Variants in CCDC172 observed in about 807,000 individuals in gnomAD.
The protein encoded by CCDC172 is coiled-coil domain-containing protein 172.
CCDC172 carries 30 observed loss-of-function variants against 38.0 expected under a neutral mutation model. The ratio of observed to expected loss-of-function variants is 0.79; its 90% CI spans 0.59 to 1.07. The LOEUF (loss-of-function observed/expected upper bound fraction) is 1.07. CCDC172 is among the 50% of genes least tolerant of loss of function. The pLI, the probability that CCDC172 is intolerant of heterozygous loss-of-function variation, is 0.00. For synonymous variants in CCDC172, 78 were observed against 88.3 expected (o/e 0.88, Z 0.66); for missense variants, 297 against 290.1 (o/e 1.02, Z -0.17).
rs2133083836 is a variant in CCDC172, at chr10:116,379,382, C to G, written c.*24C>G. On this transcript the variant is annotated 3_prime_UTR_variant, in exon 9 of 9. Coordinates refer to ENST00000333254, the MANE Select transcript of CCDC172 (RefSeq NM_198515.3). ...AACTTACAGAGAATTGATCAGCCAT[C>G]TGAGATTTGATCAGAATATCTGAGA... is the stretch of plus-strand genomic sequence containing the variant. The G allele has an allele frequency of 6.5e-7, 1 of 1,538,770 alleles. No homozygotes were observed. The highest frequency in any genetic ancestry group is 1.2e-5 in the South Asian group (1 of 81,540).
In CCDC172 at chr10:116,325,017, C is replaced by CT; in HGVS notation, c.8dup (p.Leu3PhefsTer34). On this transcript the variant is annotated frameshift_variant, in exon 2 of 9. Coordinates refer to ENST00000333254, the MANE Select transcript of CCDC172 (RefSeq NM_198515.3). LOFTEE classifies it high-confidence loss of function. The stretch of plus-strand genomic sequence containing the variant: ...CGCAGGAGCCAGGCCCTGAGATGAG[C>CT]TTGGAGTCCCTGTTTCAGCACATCA... 1 of 1,614,062 alleles carries CT rather than the reference C, an allele frequency of 6.2e-7. No homozygotes were observed. Among genetic ancestry groups the CT allele is most frequent in the Non-Finnish European group, 8.5e-7 (1 of 1,179,962 alleles).
chr10:116,377,428 C>G (rs889468473), intron 7 of CCDC172, among the ~76,000 whole-genome samples: 5 of 152,116 alleles, frequency 3.3e-5, no homozygotes, highest in Non-Finnish European at 5.9e-5. Flanking sequence ...TTTAACAACT[C>G]CAAACCCCCT....
intron 7 of CCDC172, among the ~76,000 whole-genome samples, chr10:116,362,407 C>A (rs1845075587): frequency 6.6e-6 from 1 of 152,112 alleles, no homozygotes; most frequent in Non-Finnish European, 1.5e-5. Flanking sequence ...ATTTATATAA[C>A]CAGTCTCTCA....
intron 3 of CCDC172, among the ~76,000 whole-genome samples, chr10:116,326,246 G>A (rs1340545627): frequency 6.6e-6 from 1 of 152,104 alleles, no homozygotes; most frequent in African/African-American, 2.4e-5. Context: ...AAAAATAAAA[G>A]GTAGTTTTAG....
chr10:116,347,672 G>A (rs2134933704), intron 5 of CCDC172, among the ~76,000 whole-genome samples: 1 of 152,202 alleles, frequency 6.6e-6, no homozygotes, highest in African/African-American at 2.4e-5. Flanking sequence ...TTAGTAATAA[G>A]GGAGGGTATC....
chr10:116,326,010 A>G (rs1698353306), intron 3 of CCDC172, among the ~76,000 whole-genome samples: 1 of 152,224 alleles, frequency 6.6e-6, no homozygotes, highest in South Asian at 2.1e-4. Context: ...GAGGAGGCAG[A>G]TATGTGCAGT....
At chr10:116,325,138 T>G (rs1262595910) in intron 2 of CCDC172, 48 bp downstream of exon 2, 2 of 1,583,528 alleles carry the variant, frequency 1.3e-6, no homozygotes, top group African/African-American at 2.7e-5. Context: ...CTTCTGATGC[T>G]GGGTGCTTGG....
At chr10:116,334,640 T>C (rs965663328) in intron 3 of CCDC172, among the ~76,000 whole-genome samples, 2 of 152,180 alleles carry the variant, frequency 1.3e-5, no homozygotes, top group South Asian at 4.1e-4. Context: ...GTATTTACTA[T>C]TGTATTAATA....
intron 3 of CCDC172, among the ~76,000 whole-genome samples, chr10:116,331,498 A>G (rs1407964886): frequency 1.1e-4 from 16 of 152,292 alleles, no homozygotes; most frequent in Middle Eastern, 3.4e-3. Context: ...AAATTAATCT[A>G]TTTTGTTCAT....
Position 116,325,377 on chromosome 10 carries a change from C to A in CCDC172, c.154C>A (p.Leu52Met). ...TEELNEEKIK[L>M]ESKVQQFFEK... Reference sequence around the variant, plus strand: ...GGAGCTGAATGAAGAGAAAATCAAGCTGGAATCTAAGGTATTGAAATGTAA... The same window carrying A: ...GGAGCTGAATGAAGAGAAAATCAAGATGGAATCTAAGGTATTGAAATGTAA... The change falls in exon 3 of 9, where the codon CTG (leucine) becomes ATG (methionine). Residue 52 changes from leucine (L) to methionine (M), a missense_variant. By Grantham distance (15) the Leu-to-Met change is conservative. Transcript: ENST00000333254. 1 of 1,613,040 alleles carries A rather than the reference C, an allele frequency of 6.2e-7. No individual in the cohort carries two copies. The highest frequency in any genetic ancestry group is 8.5e-7 in the Non-Finnish European group (1 of 1,179,298).
intron 5 of CCDC172, among the ~76,000 whole-genome samples, chr10:116,354,662 G>A (rs1374529244): frequency 6.6e-6 from 1 of 152,166 alleles, no homozygotes; most frequent in Non-Finnish European, 1.5e-5. Flanking sequence ...AGGCGGAGGC[G>A]GAGGTTGCAG....
At chr10:116,342,278 T>G (rs569527828) in intron 5 of CCDC172, 77 bp downstream of exon 5, 33 of 1,382,508 alleles carry the variant, frequency 2.4e-5, no homozygotes, top group Non-Finnish European at 3.1e-5. Flanking sequence ...TTCCAAAAAT[T>G]TAACTTTTTC....
At chr10:116,336,021 G>A (rs1227077329) in intron 3 of CCDC172, among the ~76,000 whole-genome samples, 1 of 151,904 alleles carries the variant, frequency 6.6e-6, no homozygotes, top group African/African-American at 2.4e-5. Flanking sequence ...ACAAAAATTA[G>A]CCAGGCATGA....
At chr10:116,338,441 CTAAT>C (rs1335046576) in intron 3 of CCDC172, among the ~76,000 whole-genome samples, 6 of 151,782 alleles carry the variant, frequency 4.0e-5, no homozygotes, top group Admixed American at 2.0e-4. Flanking sequence ...AGGAGATAAA[CTAAT>C]AATAAAAATA....
chr10:116,359,804 AATAC>A (rs1351822091), intron 7 of CCDC172, among the ~76,000 whole-genome samples: 1 of 152,222 alleles, frequency 6.6e-6, no homozygotes, highest in Non-Finnish European at 1.5e-5. Context: ...AGACAACTTT[AATAC>A]ATGCTTTATT....
At chr10:116,346,170 TAATCCCAGCTACTCAGG>T (rs1844864297) in intron 5 of CCDC172, among the ~76,000 whole-genome samples, 1 of 151,462 alleles carries the variant, frequency 6.6e-6, no homozygotes, top group Non-Finnish European at 1.5e-5. Context: ...CGGGCACCTG[TAATCCCAGCTACTCAGG>T]AGGCTGAGGC....
chr10:116,355,871 G>A (rs1280723983), intron 5 of CCDC172, among the ~76,000 whole-genome samples: 15 of 152,100 alleles, frequency 9.9e-5, no homozygotes, highest in Non-Finnish European at 1.6e-4. Flanking sequence ...TTGGTGGGGG[G>A]AGTGAAATGT....
At chr10:116,337,964 C>T (rs1844750829) in intron 3 of CCDC172, among the ~76,000 whole-genome samples, 1 of 152,000 alleles carries the variant, frequency 6.6e-6, no homozygotes, top group Admixed American at 6.6e-5. Flanking sequence ...CAAAAGGAAC[C>T]ATCTGAAACA....
At position 116,379,445 on chromosome 10, in the gene CCDC172, T is replaced by A. The variant is rs1419399878; in HGVS notation, c.*87T>A. ...TGATAGATATATGAATGGTACCCGT[T>A]ACAACGGATCCTTGTGGGAAATATG... On this transcript the variant is annotated 3_prime_UTR_variant, in exon 9 of 9. Transcript: ENST00000333254. The A allele has an allele frequency of 2.3e-5, 18 of 797,330 alleles. No homozygotes were observed. Among genetic ancestry groups the A allele is most frequent in the Non-Finnish European group, 3.0e-5 (15 of 507,782 alleles). 49.4% of individuals were successfully genotyped at this position (797,330 alleles called of 1,614,324 possible).
Sources: gnomAD v4.1 joint callset for allele counts (sites outside exome capture counted in the v4.1 genomes callset) on GRCh38, gnomAD v4.1.1 for gene constraint, MANE v1.5 for transcripts, NCBI Gene and HGNC (gene_info 2026-07-23, HGNC 2026-07-21) for gene names.